The following MON1A variants were observed in gnomAD, a reference collection of about 807,000 sequenced individuals.
The protein encoded by MON1A is vacuolar fusion protein MON1 homolog A.
A neutral mutation model predicts 44.6 loss-of-function variants in MON1A; 29 were observed. The ratio of observed to expected loss-of-function variants is 0.65; its 90% CI spans 0.48 to 0.89. The LOEUF (loss-of-function observed/expected upper bound fraction) is 0.89. Ranked by LOEUF, MON1A falls within the 40% of genes least tolerant of loss-of-function variation. The probability of loss-of-function intolerance (pLI) is 0.00; values close to 1 mark genes in which losing one functional copy is unlikely to be tolerated. For missense variants in MON1A, 615 were observed against 759.6 expected (o/e 0.81, Z 2.24); for synonymous variants, 275 against 316.4 (o/e 0.87, Z 1.39).
At position 49,911,876 on chromosome 3, in the gene MON1A, C is replaced by A. The variant is rs375068093; in HGVS notation, c.263G>T (p.Arg88Leu). The A allele has an allele frequency of 6.2e-7, 1 of 1,614,104 alleles. No individual in the cohort carries two copies. Among genetic ancestry groups the A allele is most frequent in the Non-Finnish European group, 8.5e-7 (1 of 1,180,006 alleles). The change falls in exon 3 of 6, where the codon CGC becomes CTC. Residue 88 changes from arginine to leucine, a missense_variant. By Grantham distance (102) the Arg-to-Leu change is moderately radical. Coordinates refer to ENST00000296473, the MANE Select transcript of MON1A (RefSeq NM_032355.4). The surrounding 1 kb of genome is among the most constrained non-coding windows in gnomAD (Gnocchi z 5.7). ...RGPPPLPTDM[R>L]QISQDFSELS... ...CTCGCTAAAGTCCTGGCTGATCTGG[C>A]GCATGTCTGTAGGCAGCGGCGGGGG...
rs772741847 is a variant in MON1A, at chr3:49,911,727, C to G, written c.412G>C (p.Gly138Arg). Residue 138 changes from glycine (G) to arginine (R), a missense_variant, in exon 3 of 6, where the codon GGC (glycine) becomes CGC (arginine). Coordinates refer to ENST00000296473, the MANE Select transcript of MON1A (RefSeq NM_032355.4). The surrounding 1 kb of genome is among the most constrained non-coding windows in gnomAD (Gnocchi z 5.7). ...GRPATEPPRE[G>R]TTEGDEEDAT... ...TCCTCCTCATCCCCCTCGGTTGTGC[C>G]CTCCCTGGGGGGCTCTGTGGCTGGT... 3.7e-6 allele frequency: 6 copies of G among 1,613,886 alleles called. No individual in the cohort carries two copies. The South Asian group carries it at 6.6e-5, about 18-fold the overall frequency.
chr3:49,924,785 A>T (rs2083039658), intron 1 of MON1A: 1 of 154,932 alleles, frequency 6.5e-6, no homozygotes, highest in Non-Finnish European at 1.4e-5. Flanking sequence ...GAAAGCCATC[A>T]GCCATGTTGT....
Sources: allele counts gnomAD v4.1 joint callset, GRCh38; gene constraint gnomAD v4.1.1; non-coding constraint Gnocchi (gnomAD v3.1); transcripts MANE v1.5; gene names NCBI Gene and HGNC (gene_info 2026-07-23, HGNC 2026-07-21).